Variants in AGBL4 observed in about 807,000 individuals in gnomAD.
AGBL4 encodes AGBL carboxypeptidase 4.
Under a neutral mutation model 66.4 loss-of-function variants are expected in AGBL4, and 58 were observed. The ratio of observed to expected loss-of-function variants is 0.87; its 90% CI spans 0.71 to 1.09. The LOEUF (loss-of-function observed/expected upper bound fraction) is 1.09, where lower values mean the gene tolerates loss of function less well. AGBL4 is among the 50% of genes least tolerant of loss of function. The probability of loss-of-function intolerance (pLI) is 0.00; values close to 1 mark genes in which losing one functional copy is unlikely to be tolerated. For synonymous variants in AGBL4, 234 were observed against 222.9 expected (o/e 1.05, Z -0.44); for missense variants, 579 against 631.0 (o/e 0.92, Z 0.88).
chr1:49,709,689 T>C (rs747454698), intron 2 of AGBL4, among the ~76,000 whole-genome samples: 1 of 151,960 alleles, frequency 6.6e-6, no homozygotes, highest in Admixed American at 6.6e-5. Flanking sequence ...TTGCAATCTA[T>C]CCATCTGACA....
In AGBL4 at chr1:49,609,182, AAG is replaced by A. The variant is rs539721650; in HGVS notation, c.282+88129_282+88130del. Among the ~76,000 whole-genome samples the A allele has an allele frequency of 1.3e-4, 20 of 152,302 alleles. No individual in the cohort carries two copies. The South Asian group carries it at 3.9e-3, about 30-fold the overall frequency. ...ACAACAGCCAAGCACAGGACTGAAG[AAG>A]GAACAAAAGTTATTTCCTAGTACTA... On this transcript the variant is annotated intron_variant, in intron 3 of 13. Transcript: ENST00000371839.
intron 5 of AGBL4, among the ~76,000 whole-genome samples, chr1:48,960,808 A>G (rs1413110482): frequency 1.3e-5 from 2 of 152,212 alleles, no homozygotes; most frequent in South Asian, 2.1e-4. Flanking sequence ...TCCTTTATCA[A>G]ATGTGAATAT....
At chr1:49,710,315 T>C (rs529909105) in intron 2 of AGBL4, among the ~76,000 whole-genome samples, 6 of 152,142 alleles carry the variant, frequency 3.9e-5, no homozygotes, top group Admixed American at 2.0e-4. Flanking sequence ...TGGAAACCAT[T>C]ATTCTCAGCA....
chr1:49,193,140 A>T (rs527773588), intron 4 of AGBL4, among the ~76,000 whole-genome samples: 4 of 151,938 alleles, frequency 2.6e-5, no homozygotes, highest in African/African-American at 9.6e-5. Context: ...TATCAATTTT[A>T]ACTTTTTAAA....
At chr1:48,767,017 A>C (rs1425331065) in intron 6 of AGBL4, among the ~76,000 whole-genome samples, 1 of 152,174 alleles carries the variant, frequency 6.6e-6, no homozygotes, top group Non-Finnish European at 1.5e-5. Context: ...TCCTAACCCT[A>C]ATCCTGAGTT....
rs189285289 is a variant in AGBL4 at position 49,800,266 on chromosome 1, G to C, written c.157+51130C>G. On this transcript the variant is annotated intron_variant, in intron 2 of 13. Transcript: ENST00000371839. ...TACAAGTACATGATTTCATGATTAT[G>C]TTACAAATCTCACTTTTTGTCCCTT... Among the ~76,000 whole-genome samples the C allele has an allele frequency of 2.1e-4, 32 of 152,164 alleles. 1 individual carries two copies. The East Asian group carries it at 6.0e-3, about 28-fold the overall frequency.
chr1:49,897,543 C>T (rs1321154854), intron 1 of AGBL4, among the ~76,000 whole-genome samples: 3 of 151,988 alleles, frequency 2.0e-5, no homozygotes, highest in African/African-American at 2.4e-5. Flanking sequence ...AAGCAATCTA[C>T]AGATTCAATG....
At chr1:48,524,408 G>A in the AGBL4 span, among the ~76,000 whole-genome samples, 2 of 152,182 alleles carry the variant, frequency 1.3e-5, no homozygotes, top group African/African-American at 2.4e-5. Flanking sequence ...CTGAAAAGGG[G>A]GTTCTTGGTG....
intron 1 of AGBL4, among the ~76,000 whole-genome samples, chr1:49,908,919 T>A (rs1650546573): frequency 6.6e-6 from 1 of 152,252 alleles, no homozygotes; most frequent in Non-Finnish European, 1.5e-5. Flanking sequence ...TCTTTTTATC[T>A]TGTTACTGCT....
At chr1:48,594,073 C>A (rs1295476724) in intron 9 of AGBL4, among the ~76,000 whole-genome samples, 1 of 152,142 alleles carries the variant, frequency 6.6e-6, no homozygotes, top group Non-Finnish European at 1.5e-5. Flanking sequence ...CGCCTGTAAT[C>A]CCAGCACTTT....
chr1:49,530,278 A>AAAAAAAAC (rs1186915086), intron 3 of AGBL4, among the ~76,000 whole-genome samples: 2 of 145,116 alleles, frequency 1.4e-5, no homozygotes, highest in Non-Finnish European at 3.1e-5. Flanking sequence ...AAAAACAAAA[A>AAAAAAAAC]AAAACTCTAT....
chr1:49,170,288 A>T (rs928283959), intron 4 of AGBL4, among the ~76,000 whole-genome samples: 1 of 144,964 alleles, frequency 6.9e-6, no homozygotes, highest in East Asian at 2.0e-4. Flanking sequence ...TATATTATAA[A>T]TTTATATTCA....
intron 3 of AGBL4, among the ~76,000 whole-genome samples, chr1:49,352,442 G>A (rs921209981): frequency 4.3e-5 from 6 of 140,488 alleles, no homozygotes; most frequent in Middle Eastern, 4.2e-3. Context: ...GAAAAACCTC[G>A]GCAGTGGCCC....
At chr1:48,577,865 A>T (rs1412072006) in intron 11 of AGBL4, among the ~76,000 whole-genome samples, 1 of 152,232 alleles carries the variant, frequency 6.6e-6, no homozygotes, top group Non-Finnish European at 1.5e-5. Context: ...GCTCTTGTCC[A>T]ACAGGAAATG....
intron 3 of AGBL4, among the ~76,000 whole-genome samples, chr1:49,247,350 C>T (rs1651724262): frequency 6.6e-6 from 1 of 151,968 alleles, no homozygotes; most frequent in Non-Finnish European, 1.5e-5. Flanking sequence ...TTGTGTTTTC[C>T]TTTCTCCTCA....
At chr1:49,627,022 A>G (rs1223071230) in intron 3 of AGBL4, among the ~76,000 whole-genome samples, 4 of 152,184 alleles carry the variant, frequency 2.6e-5, no homozygotes, top group African/African-American at 4.8e-5. Context: ...ATTATTCAAT[A>G]GCATCTGCTG....
Position 48,551,033 on chromosome 1 carries a change from C to T in AGBL4, c.1268-11295G>A, listed in dbSNP as rs891190381. Among the ~76,000 whole-genome samples the T allele has an allele frequency of 7.9e-5, 12 of 152,272 alleles. No homozygotes were observed. In the South Asian group the frequency reaches 2.5e-3, roughly 32 times the overall value. On this transcript the variant is annotated intron_variant, in intron 11 of 13. Coordinates refer to ENST00000371839, the MANE Select transcript of AGBL4 (RefSeq NM_032785.4). The stretch of plus-strand genomic sequence containing the variant: ...TTGGTCTTCTGGCTTCCAGTTTCTC[C>T]CCATTATTGCTGAGAATGATGTTCT...
At chr1:49,744,666 T>C (rs1650847951) in intron 2 of AGBL4, among the ~76,000 whole-genome samples, 3 of 152,222 alleles carry the variant, frequency 2.0e-5, no homozygotes, top group East Asian at 1.9e-4. Context: ...TATAAACCTA[T>C]TTTTGTTTGT....
chr1:49,581,678 G>A (rs1644544040), intron 3 of AGBL4, among the ~76,000 whole-genome samples: 1 of 152,178 alleles, frequency 6.6e-6, no homozygotes, highest in African/African-American at 2.4e-5. Context: ...TTGCAGTTGT[G>A]CTGGATATTT....
Sources: gnomAD v4.1 joint callset for allele counts (sites outside exome capture counted in the v4.1 genomes callset) on GRCh38, gnomAD v4.1.1 for gene constraint, MANE v1.5 for transcripts, NCBI Gene and HGNC (gene_info 2026-07-23, HGNC 2026-07-21) for gene names.